CACNA2D3: variants seen among roughly 807,000 people sequenced by gnomAD.
CACNA2D3 encodes calcium voltage-gated channel auxiliary subunit alpha2delta 3.
A neutral mutation model predicts 160.6 loss-of-function variants in CACNA2D3; 60 were observed. The ratio of observed to expected loss-of-function variants is 0.37; its 90% CI spans 0.30 to 0.46. CACNA2D3 has a LOEUF of 0.46. Ranked by LOEUF, CACNA2D3 falls within the 20% of genes least tolerant of loss-of-function variation. CACNA2D3 has a pLI of 1.00. For synonymous variants in CACNA2D3, 558 were observed against 492.9 expected (o/e 1.13, Z -1.75); for missense variants, 1,205 against 1,365.0 (o/e 0.88, Z 1.85).
At chr3:54,474,841 C>G (rs978374593) in intron 4 of CACNA2D3, among the ~76,000 whole-genome samples, 1 of 152,094 alleles carries the variant, frequency 6.6e-6, no homozygotes, top group African/African-American at 2.4e-5. Flanking sequence ...TGCATACTTC[C>G]CTCCACAATG....
chr3:54,993,498 C>T (rs554869894), intron 31 of CACNA2D3, among the ~76,000 whole-genome samples: 7 of 152,210 alleles, frequency 4.6e-5, no homozygotes, highest in Middle Eastern at 3.4e-3. Flanking sequence ...ACATTTGAGC[C>T]AGGGAGACCG....
intron 27 of CACNA2D3, among the ~76,000 whole-genome samples, chr3:54,908,235 A>C (rs967639299): frequency 1.3e-5 from 2 of 152,162 alleles, no homozygotes; most frequent in Non-Finnish European, 2.9e-5. Flanking sequence ...TTTTTATTTT[A>C]GCCATCCTAG....
intron 2 of CACNA2D3, among the ~76,000 whole-genome samples, chr3:54,299,330 C>G (rs915954690): frequency 1.3e-5 from 2 of 152,186 alleles, no homozygotes; most frequent in African/African-American, 2.4e-5. Flanking sequence ...ACTGCAGCTC[C>G]TCAGAGAGTC....
At chr3:54,325,050 A>G (rs1156460011) in intron 3 of CACNA2D3, among the ~76,000 whole-genome samples, 2 of 152,182 alleles carry the variant, frequency 1.3e-5, no homozygotes, top group East Asian at 3.9e-4. Flanking sequence ...CCTTGGTTAT[A>G]TGGACAGGCT....
At chr3:54,909,034 A>C (rs921269527) in intron 27 of CACNA2D3, among the ~76,000 whole-genome samples, 13 of 152,344 alleles carry the variant, frequency 8.5e-5, no homozygotes, top group Middle Eastern at 3.4e-3. Flanking sequence ...AATGAAGTAG[A>C]TATTTAAATC....
In CACNA2D3 at chr3:55,074,532, T is replaced by TTAAA. The variant is rs2307878; in HGVS notation, c.*331_*334dup. 22,068 of 212,614 alleles carry TTAAA rather than the reference T, an allele frequency of 0.1. 1,537 individuals are homozygous for TTAAA. Among genetic ancestry groups the TTAAA allele is most frequent in the Non-Finnish European group, 0.13 (13,739 of 106,104 alleles). 13.2% of individuals were successfully genotyped at this position (212,614 alleles called of 1,614,324 possible). A position where few individuals can be genotyped will look rare whatever the true frequency, so the allele number is the denominator to read the frequency against. ...AAACCAATTTAAAACTGTGTACTTT[T>TTAAA]TAAATAAAGTATATTAAAATCATAA... On this transcript the variant is annotated 3_prime_UTR_variant, in exon 38 of 38. Transcript: ENST00000474759.
intron 27 of CACNA2D3, among the ~76,000 whole-genome samples, chr3:54,922,670 A>G (rs777352178): frequency 3.9e-5 from 6 of 152,090 alleles, no homozygotes; most frequent in Admixed American, 2.0e-4. Flanking sequence ...TCCCTAATTC[A>G]TGTCTGTAGC....
chr3:54,400,428 C>G (rs909681161), intron 4 of CACNA2D3, among the ~76,000 whole-genome samples: 4 of 152,112 alleles, frequency 2.6e-5, no homozygotes, highest in Non-Finnish European at 5.9e-5. Flanking sequence ...TTTCCTGGAA[C>G]TCAGCACTGT....
At chr3:54,846,026 G>C (rs548241780) in intron 16 of CACNA2D3, among the ~76,000 whole-genome samples, 14 of 152,236 alleles carry the variant, frequency 9.2e-5, no homozygotes, top group Middle Eastern at 3.4e-3. Flanking sequence ...CAGAGAGAAG[G>C]CACCTCCATT....
intron 29 of CACNA2D3, among the ~76,000 whole-genome samples, chr3:54,971,763 G>C (rs1314974616): frequency 6.6e-6 from 1 of 152,140 alleles, no homozygotes; most frequent in Non-Finnish European, 1.5e-5. Context: ...AGTCTAACAT[G>C]GTGGTTAAAG....
rs751987684 is a variant in CACNA2D3 at position 54,891,437 on chromosome 3, C to G, written c.2233C>G (p.Gln745Glu). The change falls in exon 25 of 38, where the codon CAG (glutamine) becomes GAG (glutamate). Residue 745 changes from glutamine to glutamate, a missense_variant. Coordinates refer to ENST00000474759, the MANE Select transcript of CACNA2D3 (RefSeq NM_018398.3). Reference protein sequence around the residue: ...SRINLFVGAEQLTNQDFLKAG... With the variant: ...SRINLFVGAEELTNQDFLKAG... The stretch of plus-strand genomic sequence containing the variant: ...AATCAACCTGTTTGTCGGGGCTGAG[C>G]AGCTCACCAATCAGTAAGTAGGAGG... 2.5e-6 allele frequency: 4 copies of G among 1,613,626 alleles called. No homozygotes were observed. In the Admixed American group the frequency reaches 6.7e-5, roughly 27 times the overall value.
intron 13 of CACNA2D3, among the ~76,000 whole-genome samples, chr3:54,804,535 A>C (rs1370027140): frequency 2.0e-5 from 3 of 152,224 alleles, no homozygotes; most frequent in African/African-American, 7.2e-5. Flanking sequence ...ATACAGGAGC[A>C]CCCAGTTTCA....
chr3:54,149,246 C>G (rs1469454038), intron 2 of CACNA2D3, among the ~76,000 whole-genome samples: 3 of 148,930 alleles, frequency 2.0e-5, no homozygotes, highest in East Asian at 4.0e-4. Context: ...GCCCTAATCA[C>G]TACAGCAAGG....
intron 4 of CACNA2D3, among the ~76,000 whole-genome samples, chr3:54,445,798 C>T (rs1700213906): frequency 6.6e-6 from 1 of 152,094 alleles, no homozygotes; most frequent in Non-Finnish European, 1.5e-5. Flanking sequence ...AGGGGATGGG[C>T]CAGCAGTTCT....
chr3:54,861,298 G>T (rs201149239), intron 17 of CACNA2D3, among the ~76,000 whole-genome samples: 2 of 152,086 alleles, frequency 1.3e-5, no homozygotes, highest in East Asian at 3.9e-4. Context: ...ACGACCCTAA[G>T]TTGGAGTAAA....
chr3:54,905,972 G>A (rs1373471021), intron 27 of CACNA2D3, among the ~76,000 whole-genome samples: 2 of 152,098 alleles, frequency 1.3e-5, no homozygotes, highest in Non-Finnish European at 2.9e-5. Flanking sequence ...ATACAGCTGT[G>A]AACAAGTACC....
At chr3:54,597,574 C>A (rs144390405) in intron 9 of CACNA2D3, among the ~76,000 whole-genome samples, 93 of 152,138 alleles carry the variant, frequency 6.1e-4, no homozygotes, top group African/African-American at 2.1e-3. Flanking sequence ...GATTTCTTGT[C>A]CTGCTATAGT....
intron 31 of CACNA2D3, among the ~76,000 whole-genome samples, chr3:54,994,418 T>C (rs983541063): frequency 6.6e-6 from 1 of 152,200 alleles, no homozygotes; most frequent in Non-Finnish European, 1.5e-5. Flanking sequence ...TCCTCAGAAT[T>C]ATGCTTTGTC....
At chr3:54,799,416 T>A (rs1261865022) in intron 13 of CACNA2D3, among the ~76,000 whole-genome samples, 1 of 152,210 alleles carries the variant, frequency 6.6e-6, no homozygotes, top group Non-Finnish European at 1.5e-5. Context: ...TTGTTCACTT[T>A]CCAATGAACA....
Sources: gnomAD v4.1 joint callset for allele counts (sites outside exome capture counted in the v4.1 genomes callset) on GRCh38, gnomAD v4.1.1 for gene constraint, MANE v1.5 for transcripts, NCBI Gene and HGNC (gene_info 2026-07-23, HGNC 2026-07-21) for gene names.